The following SENP2 variants were observed in gnomAD, a reference collection of about 807,000 sequenced individuals.
SENP2 encodes the protein sentrin-specific protease 2.
A neutral mutation model predicts 86.3 loss-of-function variants in SENP2; 16 were observed. The ratio of observed to expected loss-of-function variants is 0.19; its 90% CI spans 0.13 to 0.28. The LOEUF (loss-of-function observed/expected upper bound fraction) is 0.28, where lower values mean the gene tolerates loss of function less well. Ranked by LOEUF, SENP2 falls within the 10% of genes least tolerant of loss-of-function variation. The pLI is 1.00. For synonymous variants in SENP2, 222 were observed against 238.7 expected (o/e 0.93, Z 0.64); for missense variants, 552 against 703.0 (o/e 0.79, Z 2.43).
Position 185,606,484 on chromosome 3 carries a change from T to A in SENP2, c.604T>A (p.Cys202Ser). The A allele has an allele frequency of 6.3e-7, 1 of 1,593,440 alleles. No homozygotes were observed. Among genetic ancestry groups the A allele is most frequent in the Non-Finnish European group, 8.5e-7 (1 of 1,174,656 alleles). Residue 202 changes from cysteine to serine, a missense_variant, in exon 6 of 17, where the codon TGT (cysteine) becomes AGT (serine). By Grantham distance (112) the Cys-to-Ser change is moderately radical. This residue lies in a region of SENP2 where 383 missense variants were observed against 427.3 expected (regional missense o/e 0.90). Transcript: ENST00000296257. ...TGGCAAGGGTCTGAGGCGTCCCCAT[T>A]GTACTGTGGAGGAGGTAAGCCTTTT... Reference protein sequence around the residue: ...ESGKGLRRPHCTVEEGVQKEE... With the variant: ...ESGKGLRRPHSTVEEGVQKEE...
In SENP2 at chr3:185,626,121, A is replaced by G. The variant is rs144575077; in HGVS notation, c.1612-177A>G. Among the ~76,000 whole-genome samples the G allele has an allele frequency of 2.9e-4, 44 of 152,312 alleles. No individual in the cohort carries two copies. In the Middle Eastern group the frequency reaches 0.01, roughly 35 times the overall value. On this transcript the variant is annotated intron_variant, in intron 15 of 16. Transcript: ENST00000296257. ...TTTCCCTTGCTATGATCTATGTTTT[A>G]TACCACATAGAGTAAGAATAATTGT... is the stretch of plus-strand genomic sequence containing the variant.
At chr3:185,588,471 G>A (rs1210103630) in intron 1 of SENP2, among the ~76,000 whole-genome samples, 2 of 152,170 alleles carry the variant, frequency 1.3e-5, no homozygotes, top group Admixed American at 6.5e-5. Flanking sequence ...GACTACAGAC[G>A]TGAGCCACCG....
chr3:185,621,386 CTTTTT>C (rs1220771289), intron 13 of SENP2, among the ~76,000 whole-genome samples: 1 of 78,776 alleles, frequency 1.3e-5, no homozygotes, highest in Non-Finnish European at 2.3e-5. Context: ...TCTTTTTTTT[CTTTTT>C]TTTTTTTTTT....
intron 8 of SENP2, 98 bp downstream of exon 8, chr3:185,611,843 G>A (rs1243028096): frequency 1.2e-5 from 10 of 868,606 alleles, no homozygotes; most frequent in Admixed American, 4.5e-5. Context: ...TGTAGATGGT[G>A]TACCAAAATA....
At chr3:185,593,704 C>T (rs1420580088) in intron 2 of SENP2, among the ~76,000 whole-genome samples, 1 of 150,398 alleles carries the variant, frequency 6.6e-6, no homozygotes, top group African/African-American at 2.4e-5. Flanking sequence ...CCAACTAGAA[C>T]TTAGTATTAT....
At chr3:185,617,007 A>G (rs1711638349) in intron 11 of SENP2, among the ~76,000 whole-genome samples, 1 of 152,326 alleles carries the variant, frequency 6.6e-6, no homozygotes, top group Admixed American at 6.5e-5. Context: ...ATCTAACACC[A>G]TGTTTGACTC....
intron 2 of SENP2, among the ~76,000 whole-genome samples, chr3:185,595,755 C>T (rs1284119739): frequency 6.6e-6 from 1 of 151,556 alleles, no homozygotes; most frequent in African/African-American, 2.4e-5. Flanking sequence ...TGAAACCTAC[C>T]CTTTCCTTTT....
Position 185,612,583 on chromosome 3 carries a change from ATCTTT to A in SENP2, c.818-18_818-14del. The A allele has an allele frequency of 1.3e-6, 2 of 1,561,874 alleles. No individual in the cohort carries two copies. Among genetic ancestry groups the A allele is most frequent in the East Asian group, 4.5e-5 (2 of 44,620 alleles). On this transcript the variant is annotated intron_variant, in intron 8 of 16. Transcript: ENST00000296257. Reference sequence around the variant, plus strand: ...TATTCATCGATGAAGGAAACATTTAATCTTTTCTTTACCATCCTCACAGATAGACT... The same window carrying A: ...TATTCATCGATGAAGGAAACATTTAATCTTTACCATCCTCACAGATAGACT...
chr3:185,625,205 G>A (rs1336077607), intron 15 of SENP2, among the ~76,000 whole-genome samples: 4 of 151,524 alleles, frequency 2.6e-5, no homozygotes, highest in East Asian at 2.0e-4. Context: ...TCCGCCTCCC[G>A]GGTTCATACC....
Position 185,630,148 on chromosome 3 carries a change from GATTT to G in SENP2, c.*308_*311del, listed in dbSNP as rs1447266947. On this transcript the variant is annotated 3_prime_UTR_variant, in exon 17 of 17. Coordinates refer to ENST00000296257, the MANE Select transcript of SENP2 (RefSeq NM_021627.3). ...TTCCCTATGAATGTGGGAAATGCAG[GATTT>G]ATTCTGTGAATTGTTTGTTTCTGTG... 1 of 276,728 alleles carries G rather than the reference GATTT, an allele frequency of 3.6e-6. No homozygotes were observed. The highest frequency in any genetic ancestry group is 8.5e-5 in the South Asian group (1 of 11,742). 17.1% of individuals were successfully genotyped at this position (276,728 alleles called of 1,614,324 possible). A position where few individuals can be genotyped will look rare whatever the true frequency, so the allele number is the denominator to read the frequency against.
chr3:185,621,156 C>CAAAAAAAAAAAAAA (rs1206042436), intron 13 of SENP2, among the ~76,000 whole-genome samples: 1 of 39,054 alleles, frequency 2.6e-5, no homozygotes, highest in Non-Finnish European at 4.4e-5. Context: ...GATCTTGTCT[C>CAAAAAAAAAAAAAA]AAAAAAAAAA....
rs1406383653 is a variant in SENP2, at chr3:185,592,610, C to A, written c.157+2441C>A. ...ACAGAAAATACAAAAATTAGTAAGA[C>A]AGGGTCTCCTTTTTTTTTTTTTTTG... On this transcript the variant is annotated intron_variant, in intron 2 of 16. Coordinates refer to ENST00000296257, the MANE Select transcript of SENP2 (RefSeq NM_021627.3). Among the ~76,000 whole-genome samples the A allele has an allele frequency of 1.4e-5, 2 of 144,166 alleles. 1 individual carries two copies. Among genetic ancestry groups the A allele is most frequent in the South Asian group, 4.8e-4 (2 of 4,196 alleles). 94.6% of individuals were successfully genotyped at this position (144,166 alleles called of 152,430 possible).
intron 2 of SENP2, among the ~76,000 whole-genome samples, chr3:185,590,589 C>T (rs1324075287): frequency 3.4e-5 from 5 of 148,718 alleles, no homozygotes; most frequent in African/African-American, 7.4e-5. Flanking sequence ...TTTCCTGGCC[C>T]GACGTGGTGG....
rs186474303 is a variant in SENP2 at position 185,590,552 on chromosome 3, A to G, written c.157+383A>G. The stretch of plus-strand genomic sequence containing the variant: ...CGACAGAGCAGGACTGTGTCAGGAA[A>G]AAAAAAAACAAAAAAACTTAAGTCT... On this transcript the variant is annotated intron_variant, in intron 2 of 16. Coordinates refer to ENST00000296257, the MANE Select transcript of SENP2 (RefSeq NM_021627.3). 4.5e-3 allele frequency among the ~76,000 whole-genome samples: 677 copies of G among 150,622 alleles called. 2 individuals are homozygous for G. The highest frequency in any genetic ancestry group is 0.015 in the African/African-American group (628 of 41,104).
Position 185,590,118 on chromosome 3 carries a change from C to T in SENP2, c.106C>T (p.Leu36=), listed in dbSNP as rs1721926863. 2 of 1,508,568 alleles carry T rather than the reference C, an allele frequency of 1.3e-6. No homozygotes were observed. Among genetic ancestry groups the T allele is most frequent in the African/African-American group, 1.4e-5 (1 of 70,466 alleles). 93.4% of individuals were successfully genotyped at this position (1,508,568 alleles called of 1,614,324 possible). The change falls in exon 2 of 17, where the codon CTG becomes TTG. Residue 36 remains leucine, a synonymous_variant. Transcript: ENST00000296257. ...TTTTTTCTTTCTCTTTTTCAGCACT[C>T]TGTTTTCTACAGTGGACACTGATGA... ...LLKRRRSDST[L]FSTVDTDEIP...
intron 5 of SENP2, among the ~76,000 whole-genome samples, chr3:185,602,871 C>G (rs1422590769): frequency 1.4e-5 from 2 of 141,184 alleles, no homozygotes; most frequent in Non-Finnish European, 3.1e-5. Flanking sequence ...TGATGAGGCA[C>G]TGGTATTTAC....
At chr3:185,626,446 CT>C in intron 16 of SENP2, 53 bp downstream of exon 16, 5 of 1,248,838 alleles carry the variant, frequency 4.0e-6, no homozygotes, top group Non-Finnish European at 5.8e-6. Flanking sequence ...AGATAAGGCA[CT>C]TGGCCAGTGC....
In SENP2 at chr3:185,586,430, T is replaced by G. The variant is rs750769059; in HGVS notation, c.17T>G (p.Val6Gly). Residue 6 changes from valine (V) to glycine (G), a missense_variant, in exon 1 of 17, where the codon GTT becomes GGT. By Grantham distance (109) the Val-to-Gly change is moderately radical (BLOSUM62 -3). Around this residue, in one of 2 missense-constraint regions of SENP2, gnomAD observed 383 missense variants for 427.3 expected, o/e 0.90. Transcript: ENST00000296257. This position sits in a 1 kb window ranked among gnomAD's most constrained non-coding sequence, Gnocchi z 4.3. MYRWLVRILGTIFRFC... is the reference protein window; with the variant it reads MYRWLGRILGTIFRFC... Reference sequence around the variant, plus strand: ...GGGCCTGGTATGTACAGATGGCTGGTTAGGATTCTCGGCACCATTTTCCGT... The same window carrying G: ...GGGCCTGGTATGTACAGATGGCTGGGTAGGATTCTCGGCACCATTTTCCGT... 5 of 1,613,820 alleles carry G rather than the reference T, an allele frequency of 3.1e-6. No individual in the cohort carries two copies. The African/African-American group carries it at 6.7e-5, about 22-fold the overall frequency.
chr3:185,613,034 A>G (rs1722745284), intron 9 of SENP2, among the ~76,000 whole-genome samples: 2 of 152,374 alleles, frequency 1.3e-5, no homozygotes, highest in South Asian at 4.1e-4. Context: ...CCCATGGGCC[A>G]AATCTGGTCT....
Sources: gnomAD v4.1 joint callset for allele counts (sites outside exome capture counted in the v4.1 genomes callset) on GRCh38, gnomAD v4.1.1 for gene constraint, gnomAD v4.1.1 regional missense constraint, Gnocchi (gnomAD v3.1) non-coding constraint, MANE v1.5 for transcripts, NCBI Gene and HGNC (gene_info 2026-07-23, HGNC 2026-07-21) for gene names.